CNTN4: variants seen among roughly 807,000 people sequenced by gnomAD.
CNTN4 encodes the protein contactin-4.
CNTN4 carries 77 observed loss-of-function variants against 122.5 expected under a neutral mutation model. The ratio of observed to expected loss-of-function variants is 0.63; its 90% CI spans 0.52 to 0.76. CNTN4 has a LOEUF of 0.76. Ranked by LOEUF, CNTN4 falls within the 30% of genes least tolerant of loss-of-function variation. CNTN4 has a pLI of 0.00. For missense variants in CNTN4, 1,256 were observed against 1,259.1 expected, an observed-to-expected ratio of 1.00 and a Z score of 0.04; for synonymous variants, 512 against 447.0, an observed-to-expected ratio of 1.15 and a Z score of -1.83.
chr3:2,580,894 C>T (rs886362204), intron 4 of CNTN4, among the ~76,000 whole-genome samples: 9 of 152,166 alleles, frequency 5.9e-5, no homozygotes, highest in Admixed American at 3.9e-4. Flanking sequence ...AAAACCAGAG[C>T]TTGTAGAAGT....
intron 20 of CNTN4, chr3:3,041,302 T>A (rs1215680540): frequency 6.6e-6 from 1 of 152,330 alleles, no homozygotes; most frequent in Non-Finnish European, 1.5e-5. Flanking sequence ...TCCCTGCATA[T>A]TTCATGTTCC....
chr3:2,100,139 T>A (rs560343690), intron 1 of CNTN4, among the ~76,000 whole-genome samples: 44 of 152,192 alleles, frequency 2.9e-4, no homozygotes, highest in African/African-American at 8.7e-4. Flanking sequence ...GTGGTCTGCG[T>A]GGAGGAGAGT....
At chr3:2,158,396 C>A (rs374164173) in intron 2 of CNTN4, among the ~76,000 whole-genome samples, 1 of 152,168 alleles carries the variant, frequency 6.6e-6, no homozygotes, top group Non-Finnish European at 1.5e-5. Context: ...TTAACAATTT[C>A]TTACCATATG....
At chr3:2,813,547 C>A (rs2092661701) in intron 6 of CNTN4, among the ~76,000 whole-genome samples, 1 of 151,966 alleles carries the variant, frequency 6.6e-6, no homozygotes, top group South Asian at 2.1e-4. Context: ...TCTCATTAAC[C>A]TTTCCTGGCC....
At chr3:2,557,989 T>G (rs545260706) in intron 3 of CNTN4, among the ~76,000 whole-genome samples, 1 of 152,276 alleles carries the variant, frequency 6.6e-6, no homozygotes, top group East Asian at 1.9e-4. Context: ...ACTATAAATA[T>G]AAAATCTGCA....
chr3:2,815,628 A>G (rs111629461), intron 6 of CNTN4, among the ~76,000 whole-genome samples: 6,793 of 152,118 alleles, frequency 0.045, 515 homozygotes, highest in African/African-American at 0.16. Flanking sequence ...CTTCTACACC[A>G]CTGGTGGGAA....
At chr3:3,005,929 A>T (rs964282525) in intron 14 of CNTN4, among the ~76,000 whole-genome samples, 3 of 141,728 alleles carry the variant, frequency 2.1e-5, no homozygotes, top group Non-Finnish European at 4.5e-5. Context: ...TGTGTCGCCC[A>T]GGCTGGAGTG....
In CNTN4 at chr3:2,126,799, G is replaced by T. The variant is rs140817753; in HGVS notation, c.-145+26160G>T. ...GTGCAAGCAATAGAGACCTATTTAG[G>T]CTCCTTTAACTACTGGGGGTTTATC... is the stretch of plus-strand genomic sequence containing the variant. On this transcript the variant is annotated intron_variant, in intron 2 of 24. Coordinates refer to ENST00000418658, the MANE Select transcript of CNTN4 (RefSeq NM_175607.3). Among the ~76,000 whole-genome samples, 864 of 152,204 alleles carry T rather than the reference G, an allele frequency of 5.7e-3. 11 individuals carry two copies. Among genetic ancestry groups the T allele is most frequent in the South Asian group, 0.04 (193 of 4,824 alleles).
At chr3:2,288,001 T>C (rs542660709) in intron 2 of CNTN4, among the ~76,000 whole-genome samples, 47 of 152,362 alleles carry the variant, frequency 3.1e-4, no homozygotes, top group Non-Finnish European at 6.2e-4. Context: ...AGAGCCAGAA[T>C]GATTTCAGAC....
intron 13 of CNTN4, among the ~76,000 whole-genome samples, chr3:2,940,447 G>T (rs1054731757): frequency 1.3e-5 from 2 of 152,196 alleles, no homozygotes; most frequent in African/African-American, 4.8e-5. Context: ...AGATGCAGTG[G>T]ATCTTTTTGC....
chr3:2,310,027 T>G (rs903404776), intron 2 of CNTN4, among the ~76,000 whole-genome samples: 4 of 152,176 alleles, frequency 2.6e-5, no homozygotes, highest in Non-Finnish European at 4.4e-5. Flanking sequence ...TTATATCAAC[T>G]TATTTTAGTT....
intron 2 of CNTN4, among the ~76,000 whole-genome samples, chr3:2,210,414 C>G (rs1053172512): frequency 6.6e-6 from 1 of 152,146 alleles, no homozygotes; most frequent in South Asian, 2.1e-4. Context: ...TTCCGGCATA[C>G]CATTGTCTGC....
In CNTN4 at chr3:2,988,218, G is replaced by A. The variant is rs1024521150; in HGVS notation, c.1359-127G>A. ...AAATACCCTAAATAAAGATGAGGCT[G>A]TCATCTTTACTACAAATAATGTAGC... On this transcript the variant is annotated intron_variant, in intron 13 of 24. Coordinates refer to ENST00000418658, the MANE Select transcript of CNTN4 (RefSeq NM_175607.3). 96 of 861,732 alleles carry A rather than the reference G, an allele frequency of 1.1e-4. No homozygotes were observed. The African/African-American group carries it at 1.3e-3, about 11-fold the overall frequency. 53.4% of individuals were successfully genotyped at this position (861,732 alleles called of 1,614,324 possible). A position where few individuals can be genotyped will look rare whatever the true frequency, so the allele number is the denominator to read the frequency against.
intron 13 of CNTN4, among the ~76,000 whole-genome samples, chr3:2,962,331 A>C (rs2094869551): frequency 6.6e-6 from 1 of 152,228 alleles, no homozygotes; most frequent in Non-Finnish European, 1.5e-5. Context: ...CACTCTTCCG[A>C]ATATTCAAAG....
chr3:2,423,506 C>T, intron 3 of CNTN4, among the ~76,000 whole-genome samples: 1 of 150,194 alleles, frequency 6.7e-6, no homozygotes, highest in Non-Finnish European at 1.5e-5. Flanking sequence ...TCAAATGTGC[C>T]TCTGTGGAAT....
intron 13 of CNTN4, among the ~76,000 whole-genome samples, chr3:2,947,082 G>T (rs2094686724): frequency 6.6e-6 from 1 of 152,186 alleles, no homozygotes; most frequent in African/African-American, 2.4e-5. Flanking sequence ...GAAATCTTCA[G>T]TTAGCCATAC....
intron 3 of CNTN4, among the ~76,000 whole-genome samples, chr3:2,534,655 T>C (rs192823761): frequency 1.6e-3 from 248 of 151,862 alleles, no homozygotes; most frequent in African/African-American, 4.4e-3. Flanking sequence ...GGGCTGTGAC[T>C]TCAGAGCCTT....
chr3:2,437,986 C>A (rs940991135), intron 3 of CNTN4, among the ~76,000 whole-genome samples: 5 of 152,142 alleles, frequency 3.3e-5, no homozygotes, highest in Admixed American at 3.3e-4. Flanking sequence ...AAAATTGGTA[C>A]TGCATTATAT....
intron 7 of CNTN4, among the ~76,000 whole-genome samples, chr3:2,853,619 A>C (rs1015298391): frequency 5.3e-5 from 8 of 152,178 alleles, no homozygotes; most frequent in Non-Finnish European, 1.2e-4. Flanking sequence ...GAGGAATTCA[A>C]CCACCACATG....
Sources: gnomAD v4.1 joint callset for allele counts (sites outside exome capture counted in the v4.1 genomes callset) on GRCh38, gnomAD v4.1.1 for gene constraint, MANE v1.5 for transcripts, NCBI Gene and HGNC (gene_info 2026-07-23, HGNC 2026-07-21) for gene names.